The following SNX29 variants were observed in gnomAD, a reference collection of about 807,000 sequenced individuals.
SNX29 encodes the protein sorting nexin-29.
Under a neutral mutation model 102.1 loss-of-function variants are expected in SNX29, and 78 were observed. The observed-to-expected ratio is 0.76, with a 90% CI of 0.64 to 0.92. The LOEUF (loss-of-function observed/expected upper bound fraction) is 0.92, where lower values mean the gene tolerates loss of function less well. Ranked by LOEUF, SNX29 falls within the 40% of genes least tolerant of loss-of-function variation. The pLI, the probability that SNX29 is intolerant of heterozygous loss-of-function variation, is 0.00. For missense variants in SNX29, 1,280 were observed against 1,061.7 expected, an observed-to-expected ratio of 1.21 and a Z score of -2.86; for synonymous variants, 580 against 414.5, an observed-to-expected ratio of 1.40 and a Z score of -4.85.
intron 13 of SNX29, among the ~76,000 whole-genome samples, chr16:12,174,536 T>A (rs1430050459): frequency 1.3e-5 from 2 of 152,198 alleles, no homozygotes; most frequent in Non-Finnish European, 2.9e-5. Flanking sequence ...TGGCCAACTC[T>A]GCAGCGGCAT....
At chr16:12,319,526 CAT>C (rs1413502292) in intron 15 of SNX29, among the ~76,000 whole-genome samples, 2 of 152,140 alleles carry the variant, frequency 1.3e-5, no homozygotes, top group African/African-American at 2.4e-5. Flanking sequence ...CAGAGACACT[CAT>C]ATAAAAATAC....
intron 18 of SNX29, among the ~76,000 whole-genome samples, chr16:12,447,991 C>T (rs1350882613): frequency 6.6e-6 from 1 of 152,142 alleles, no homozygotes; most frequent in Non-Finnish European, 1.5e-5. Context: ...CCGGGAAGGC[C>T]TAGGATTGGG....
At chr16:12,466,114 G>C (rs1391216448) in intron 18 of SNX29, among the ~76,000 whole-genome samples, 1 of 152,022 alleles carries the variant, frequency 6.6e-6, no homozygotes, top group African/African-American at 2.4e-5. Context: ...CTGCCGCTTT[G>C]GTTCAATATA....
At chr16:12,204,047 T>G (rs1211153877) in intron 14 of SNX29, among the ~76,000 whole-genome samples, 2 of 152,194 alleles carry the variant, frequency 1.3e-5, no homozygotes, top group South Asian at 2.1e-4. Flanking sequence ...TCAACAAGAA[T>G]TCTTGCTTTC....
chr16:12,203,964 G>A (rs551158845), intron 14 of SNX29, among the ~76,000 whole-genome samples: 2 of 152,332 alleles, frequency 1.3e-5, no homozygotes, highest in South Asian at 4.1e-4. Context: ...GTCCTGTGAT[G>A]TCGGTGGCTT....
intron 1 of SNX29, among the ~76,000 whole-genome samples, chr16:11,998,335 C>T (rs1197290215): frequency 1.3e-5 from 2 of 152,106 alleles, no homozygotes; most frequent in African/African-American, 4.8e-5. Context: ...TGTGGCTCTA[C>T]CAACTGTCTG....
intron 13 of SNX29, among the ~76,000 whole-genome samples, chr16:12,169,725 G>C (rs563780779): frequency 9.9e-5 from 15 of 152,220 alleles, no homozygotes; most frequent in East Asian, 9.8e-4. Flanking sequence ...GCCGGGAATG[G>C]TTGTGTGTGC....
chr16:12,126,628 C>G lies in SNX29; in HGVS notation c.1403-5C>G. On this transcript the variant is annotated splice_polypyrimidine_tract_variant and splice_region_variant and intron_variant, in intron 11 of 20. Transcript: ENST00000566228. ...ATTAATCTTGACTTTGTTTTCTTCC[C>G]TTAGGTGAACTGCGCCAGGCCACTG... The G allele has an allele frequency of 6.2e-7, 1 of 1,613,894 alleles. No homozygotes were observed. Among genetic ancestry groups the G allele is most frequent in the Non-Finnish European group, 8.5e-7 (1 of 1,179,842 alleles).
At chr16:12,532,480 A>G (rs192183153) in intron 20 of SNX29, among the ~76,000 whole-genome samples, 1 of 152,344 alleles carries the variant, frequency 6.6e-6, no homozygotes, top group Admixed American at 6.5e-5. Flanking sequence ...TTAGATGTCT[A>G]TGATAATGGA....
chr16:12,297,374 G>C (rs1238520309), intron 15 of SNX29: 1 of 152,276 alleles, frequency 6.6e-6, no homozygotes, highest in Non-Finnish European at 1.5e-5. Flanking sequence ...TGGAAAGATG[G>C]TCTTTATGAT....
intron 18 of SNX29, among the ~76,000 whole-genome samples, chr16:12,423,861 C>G (rs963428100): frequency 2.0e-5 from 3 of 152,204 alleles, no homozygotes; most frequent in African/African-American, 7.2e-5. Flanking sequence ...CGTGAGCTAC[C>G]GTGCCCAGCC....
intron 4 of SNX29, among the ~76,000 whole-genome samples, chr16:12,032,408 A>G (rs753928774): frequency 6.6e-6 from 1 of 151,894 alleles, no homozygotes; most frequent in African/African-American, 2.4e-5. Context: ...TGGTTTCACT[A>G]TGTTGGCCAG....
intron 18 of SNX29, among the ~76,000 whole-genome samples, chr16:12,408,389 C>G (rs1033368092): frequency 6.6e-6 from 1 of 152,214 alleles, no homozygotes; most frequent in Non-Finnish European, 1.5e-5. Flanking sequence ...CATCCAAGAG[C>G]CAGGCTGAGA....
chr16:12,483,229 G>A (rs888535191), intron 19 of SNX29, among the ~76,000 whole-genome samples: 3 of 141,144 alleles, frequency 2.1e-5, no homozygotes, highest in African/African-American at 5.2e-5. Context: ...GGCTGGTCTT[G>A]AACTCATGAC....
Position 12,027,212 on chromosome 16 carries a change from C to T in SNX29, c.123-108C>T, listed in dbSNP as rs1045531033. ...TCCAGGTGTCTCCTGTCTGCCTTCA[C>T]GCTGAGGTTTACACCTGGCGGCTTA... On this transcript the variant is annotated intron_variant, in intron 3 of 20. Coordinates refer to ENST00000566228, the MANE Select transcript of SNX29 (RefSeq NM_032167.5). 4.8e-5 allele frequency: 68 copies of T among 1,403,946 alleles called. No homozygotes were observed. The South Asian group carries it at 5.6e-4, about 12-fold the overall frequency. 87.0% of individuals were successfully genotyped at this position (1,403,946 alleles called of 1,614,324 possible).
chr16:12,441,089 C>CTTTTTTTT (rs34125065), intron 18 of SNX29, among the ~76,000 whole-genome samples: 1 of 102,712 alleles, frequency 9.7e-6, no homozygotes, highest in Non-Finnish European at 1.9e-5. Context: ...TACTTCATTC[C>CTTTTTTTT]TTTTTTTTTT....
At chr16:12,254,771 A>G (rs1455224763) in intron 14 of SNX29, among the ~76,000 whole-genome samples, 1 of 152,174 alleles carries the variant, frequency 6.6e-6, no homozygotes, top group Non-Finnish European at 1.5e-5. Flanking sequence ...GATGGGGCAA[A>G]TGAGGCAAGC....
intron 19 of SNX29, chr16:12,515,525 C>G: frequency 2.0e-6 from 1 of 490,422 alleles, no homozygotes; most frequent in Non-Finnish European, 4.1e-6. Flanking sequence ...CCATCTCCTG[C>G]CTGGATGACT....
At chr16:12,296,974 G>A (rs189175293) in intron 15 of SNX29, among the ~76,000 whole-genome samples, 39 of 152,286 alleles carry the variant, frequency 2.6e-4, no homozygotes, top group Admixed American at 2.4e-3. Flanking sequence ...GCTGCTGCCC[G>A]CTAGATGCTG....
Sources: allele counts gnomAD v4.1 joint callset (sites outside exome capture counted in the v4.1 genomes callset), GRCh38; gene constraint gnomAD v4.1.1; transcripts MANE v1.5; gene names NCBI Gene and HGNC (gene_info 2026-07-23, HGNC 2026-07-21).